TLK2: variants seen among roughly 807,000 people sequenced by gnomAD.
TLK2 encodes the protein serine/threonine-protein kinase tousled-like 2.
A neutral mutation model predicts 117.3 loss-of-function variants in TLK2; 6 were observed. The ratio of observed to expected loss-of-function variants is 0.05; its 90% CI spans 0.03 to 0.10. The LOEUF is 0.10. Among genes scored for constraint, TLK2 ranks in the 10% least tolerant of loss-of-function variants. The pLI, the probability that TLK2 is intolerant of heterozygous loss-of-function variation, is 1.00. For missense variants in TLK2, 299 were observed against 901.2 expected (o/e 0.33, Z 8.56); for synonymous variants, 257 against 316.7 (o/e 0.81, Z 2.00).
At chr17:62,567,402 T>A (rs1403105578) in intron 11 of TLK2, among the ~76,000 whole-genome samples, 6 of 152,202 alleles carry the variant, frequency 3.9e-5, no homozygotes, top group Non-Finnish European at 7.3e-5. Flanking sequence ...GAAGTGAGAC[T>A]ATGTAAATGA....
intron 7 of TLK2, among the ~76,000 whole-genome samples, chr17:62,543,473 A>C (rs988442850): frequency 1.3e-5 from 2 of 152,098 alleles, no homozygotes; most frequent in African/African-American, 4.8e-5. Context: ...GTACATTCCA[A>C]TTTCTCCATG....
At chr17:62,515,159 C>T (rs556751966) in intron 2 of TLK2, among the ~76,000 whole-genome samples, 9 of 152,314 alleles carry the variant, frequency 5.9e-5, no homozygotes, top group African/African-American at 2.2e-4. Flanking sequence ...GCATAATGTT[C>T]TCAGGGCTTA....
At chr17:62,547,460 A>C (rs1468262319) in intron 7 of TLK2, among the ~76,000 whole-genome samples, 1 of 151,038 alleles carries the variant, frequency 6.6e-6, no homozygotes, top group Non-Finnish European at 1.5e-5. Flanking sequence ...CAGTTACAGC[A>C]TTTTTTTCTC....
At chr17:62,596,789 A>G (rs2082510450) in intron 17 of TLK2, 115 bp downstream of exon 17, 2 of 795,040 alleles carry the variant, frequency 2.5e-6, no homozygotes, top group South Asian at 3.7e-5. Flanking sequence ...GAACCAAGTA[A>G]TTTGTGACAA....
chr17:62,472,709 G>A, intron 1 of TLK2, among the ~76,000 whole-genome samples: 1 of 150,830 alleles, frequency 6.6e-6, no homozygotes, highest in Non-Finnish European at 1.5e-5. Flanking sequence ...CTGCACTCCA[G>A]CCTAGGCGAC....
intron 21 of TLK2, among the ~76,000 whole-genome samples, chr17:62,609,724 C>T (rs2083590485): frequency 6.6e-6 from 1 of 152,214 alleles, no homozygotes; most frequent in African/African-American, 2.4e-5. Context: ...GGTGTCAGCT[C>T]TACACTCAGT....
chr17:62,602,226 C>G, intron 19 of TLK2, 46 bp downstream of exon 19: 1 of 1,590,642 alleles, frequency 6.3e-7, no homozygotes, highest in Non-Finnish European at 8.6e-7. Context: ...AGATGTGGCT[C>G]TGCTATGCTG....
chr17:62,473,974 C>A (rs1463113925), upstream of TLK2, among the ~76,000 whole-genome samples: 1 of 152,166 alleles, frequency 6.6e-6, no homozygotes, highest in East Asian at 1.9e-4. Context: ...CAGCTCACTG[C>A]AACCTCCACC....
chr17:62,584,783 C>T (rs2081489512), intron 15 of TLK2, among the ~76,000 whole-genome samples: 1 of 152,224 alleles, frequency 6.6e-6, no homozygotes, highest in African/African-American at 2.4e-5. Context: ...ATTTTATAAG[C>T]AGCTCTCTCT....
intron 3 of TLK2, 73 bp downstream of exon 3, chr17:62,520,917 A>G (rs895118101): frequency 1.3e-6 from 2 of 1,550,396 alleles, no homozygotes. Context: ...TCAAGGCTGT[A>G]ATCCCAGCAC....
upstream of TLK2, chr17:62,477,668 A>T (rs2071099222): frequency 6.6e-6 from 1 of 152,160 alleles, no homozygotes. Flanking sequence ...CAGACATCTG[A>T]TCAAGGCAGC....
chr17:62,571,068 G>A (rs1357815666), intron 11 of TLK2, among the ~76,000 whole-genome samples: 1 of 152,130 alleles, frequency 6.6e-6, no homozygotes, highest in East Asian at 1.9e-4. Context: ...GGAAATTCAT[G>A]TTCAGTTAAG....
intron 6 of TLK2, among the ~76,000 whole-genome samples, chr17:62,531,018 G>A (rs1007092949): frequency 7.3e-5 from 11 of 151,380 alleles, no homozygotes; most frequent in African/African-American, 2.7e-4. Context: ...TTTTTCCCCT[G>A]GCTGCTTTAA....
intron 2 of TLK2, among the ~76,000 whole-genome samples, chr17:62,484,678 T>C (rs983180160): frequency 3.3e-5 from 5 of 152,122 alleles, no homozygotes; most frequent in Admixed American, 2.6e-4. Flanking sequence ...GGGATGATGA[T>C]ACTGGGAGAA....
intron 9 of TLK2, 92 bp downstream of exon 9, chr17:62,553,847 C>T (rs564965156): frequency 1.3e-6 from 1 of 784,328 alleles, no homozygotes; most frequent in African/African-American, 1.8e-5. Context: ...TTACTATAGC[C>T]AAATAACAAT....
intron 7 of TLK2, among the ~76,000 whole-genome samples, chr17:62,546,428 C>T (rs1019262018): frequency 1.4e-5 from 2 of 138,594 alleles, no homozygotes; most frequent in Non-Finnish European, 3.1e-5. Flanking sequence ...ATTTCATTTC[C>T]TCTGTTCTTT....
At chr17:62,474,243 T>C (rs1350632332), upstream of TLK2, among the ~76,000 whole-genome samples, 1 of 151,268 alleles carries the variant, frequency 6.6e-6, no homozygotes, top group East Asian at 1.9e-4. Context: ...CTTGCCCGGC[T>C]AATTTTTTGT....
upstream of TLK2, among the ~76,000 whole-genome samples, chr17:62,478,339 G>T (rs1211471024): frequency 6.6e-6 from 1 of 151,328 alleles, no homozygotes; most frequent in African/African-American, 2.4e-5. Flanking sequence ...GGGGTTGGGC[G>T]GGCGCGGGGG....
intron 19 of TLK2, among the ~76,000 whole-genome samples, chr17:62,605,182 C>G (rs183811814): frequency 6.6e-6 from 1 of 152,070 alleles, no homozygotes; most frequent in Non-Finnish European, 1.5e-5. Flanking sequence ...AAAAAATTAG[C>G]CCAGCGTGGT....
Sources: allele counts gnomAD v4.1 joint callset (sites outside exome capture counted in the v4.1 genomes callset), GRCh38; gene constraint gnomAD v4.1.1; transcripts MANE v1.5; gene names NCBI Gene and HGNC (gene_info 2026-07-23, HGNC 2026-07-21).